COG6: variants seen among roughly 807,000 people sequenced by gnomAD.
COG6 encodes component of oligomeric golgi complex 6, also known as conserved oligomeric Golgi complex subunit 6.
A neutral mutation model predicts 88.8 loss-of-function variants in COG6; 74 were observed. That is an observed-to-expected ratio of 0.83 (90% CI 0.69 to 1.01). The LOEUF (loss-of-function observed/expected upper bound fraction) is 1.01, where lower values mean the gene tolerates loss of function less well. COG6 is among the 50% of genes least tolerant of loss of function. COG6 has a pLI of 0.00. For synonymous variants in COG6, 286 were observed against 278.7 expected, an observed-to-expected ratio of 1.03 and a Z score of -0.26; for missense variants, 800 against 797.9, an observed-to-expected ratio of 1.00 and a Z score of -0.03.
intron 18 of COG6, among the ~76,000 whole-genome samples, chr13:39,771,976 C>T (rs564308777): frequency 3.0e-4 from 45 of 152,250 alleles, no homozygotes; most frequent in Non-Finnish European, 5.0e-4. Flanking sequence ...ATAAAACTAC[C>T]GCTGTCTCAT....
At chr13:39,755,981 A>G (rs1880822735), downstream of COG6, among the ~76,000 whole-genome samples, 1 of 152,236 alleles carries the variant, frequency 6.6e-6, no homozygotes, top group Non-Finnish European at 1.5e-5. Flanking sequence ...GTGGGGCAAG[A>G]GAATCTAATC....
chr13:39,656,451 G>T (rs1359360141), intron 1 of COG6, among the ~76,000 whole-genome samples: 2 of 151,990 alleles, frequency 1.3e-5, no homozygotes, highest in Non-Finnish European at 2.9e-5. Context: ...TGATTTGTGG[G>T]CTCAGGCTGT....
chr13:39,784,402 C>T (rs1275677960), intron 18 of COG6, among the ~76,000 whole-genome samples: 1 of 152,180 alleles, frequency 6.6e-6, no homozygotes, highest in Non-Finnish European at 1.5e-5. Flanking sequence ...GGCAGGAGCT[C>T]TGGGCTTCAG....
intron 18 of COG6, among the ~76,000 whole-genome samples, chr13:39,786,917 A>G (rs1881789874): frequency 6.6e-6 from 1 of 152,228 alleles, no homozygotes; most frequent in African/African-American, 2.4e-5. Flanking sequence ...ATACATTATT[A>G]AGAAAGATTT....
intron 18 of COG6, among the ~76,000 whole-genome samples, chr13:39,758,611 T>G (rs1880919842): frequency 6.6e-6 from 1 of 152,120 alleles, no homozygotes; most frequent in Non-Finnish European, 1.5e-5. Context: ...GTGGAGAAAT[T>G]GGAACTCCCA....
chr13:39,712,364 A>G (rs1042465019), intron 13 of COG6, among the ~76,000 whole-genome samples: 6 of 151,518 alleles, frequency 4.0e-5, no homozygotes, highest in Non-Finnish European at 7.4e-5. Context: ...CTGTTGGAAC[A>G]TGTCTGTTGT....
At chr13:39,746,667 T>G (rs1466457823) in intron 18 of COG6, among the ~76,000 whole-genome samples, 1 of 152,184 alleles carries the variant, frequency 6.6e-6, no homozygotes, top group Non-Finnish European at 1.5e-5. Context: ...AATTAGTGAA[T>G]AATTTGGGCT....
intron 15 of COG6, among the ~76,000 whole-genome samples, chr13:39,722,225 T>A (rs1878885432): frequency 6.6e-6 from 1 of 152,032 alleles, no homozygotes; most frequent in Non-Finnish European, 1.5e-5. Flanking sequence ...TCATTGAGTG[T>A]TTACCTTTGC....
At chr13:39,722,453 G>T (rs913057231) in intron 15 of COG6, among the ~76,000 whole-genome samples, 18 of 151,786 alleles carry the variant, frequency 1.2e-4, no homozygotes, top group Admixed American at 2.0e-4. Flanking sequence ...TTAGGGGGAC[G>T]AGCAGAGCTA....
Position 39,681,590 on chromosome 13 carries a change from C to A in COG6, c.695-581C>A, listed in dbSNP as rs538369575. On this transcript the variant is annotated intron_variant, in intron 7 of 18. Transcript: ENST00000455146. ...CTGCTAGTGTGAAGTCCTTGTGTAC[C>A]AAAGGTTGGGAATTTCTGAGAAGTT... Among the ~76,000 whole-genome samples, 3 of 152,126 alleles carry A rather than the reference C, an allele frequency of 2.0e-5. 1 individual carries two copies. In the South Asian group the frequency reaches 6.2e-4, roughly 32 times the overall value.
intron 12 of COG6, among the ~76,000 whole-genome samples, chr13:39,697,671 C>T (rs1338353879): frequency 2.0e-5 from 3 of 151,830 alleles, no homozygotes; most frequent in Non-Finnish European, 2.9e-5. Flanking sequence ...TATCTGATAC[C>T]CTTCTTGGAG....
At chr13:39,673,478 C>T (rs1217787055) in intron 4 of COG6, among the ~76,000 whole-genome samples, 1 of 151,822 alleles carries the variant, frequency 6.6e-6, no homozygotes, top group Non-Finnish European at 1.5e-5. Flanking sequence ...TTTATAAAAA[C>T]TTAAAATGAA....
At chr13:39,699,737 C>T (rs1877470790) in intron 13 of COG6, 119 bp downstream of exon 13, 1 of 652,758 alleles carries the variant, frequency 1.5e-6, no homozygotes, top group Non-Finnish European at 2.8e-6. Flanking sequence ...TTGAGTTCTT[C>T]CTGTCACCAA....
chr13:39,763,917 CT>C (rs1881093766), intron 18 of COG6, among the ~76,000 whole-genome samples: 1 of 151,830 alleles, frequency 6.6e-6, no homozygotes, highest in Non-Finnish European at 1.5e-5. Flanking sequence ...CAGGATAATA[CT>C]GGCCTCATAA....
chr13:39,736,672 G>A (rs927429649), intron 18 of COG6, among the ~76,000 whole-genome samples: 14 of 152,300 alleles, frequency 9.2e-5, no homozygotes, highest in African/African-American at 3.4e-4. Context: ...GCTTGGGCAA[G>A]AAGAGCAAAA....
chr13:39,738,787 C>A (rs1879899181), intron 18 of COG6, among the ~76,000 whole-genome samples: 1 of 151,836 alleles, frequency 6.6e-6, no homozygotes, highest in African/African-American at 2.4e-5. Context: ...GATAATAATA[C>A]CAGAGATAAA....
rs200518004 is a variant in COG6, at chr13:39,781,434, G to A, written c.1827-6901G>A. Reference sequence around the variant, plus strand: ...GCTGCAGAAAAAAGTAGGAGCAAATGCGGAGGGTTTTTTTTTTTTTTTTAG... The same window carrying A: ...GCTGCAGAAAAAAGTAGGAGCAAATACGGAGGGTTTTTTTTTTTTTTTTAG... On this transcript the variant is annotated intron_variant, in intron 18 of 18. Coordinates refer to the COG6 transcript ENST00000416691. Among the ~76,000 whole-genome samples the A allele has an allele frequency of 1.0e-4, 10 of 98,684 alleles. No homozygotes were observed. The East Asian group carries it at 2.9e-3, about 29-fold the overall frequency. 64.7% of individuals were successfully genotyped at this position (98,684 alleles called of 152,430 possible).
chr13:39,731,059 A>G (rs538501635), intron 18 of COG6, among the ~76,000 whole-genome samples: 5 of 151,844 alleles, frequency 3.3e-5, no homozygotes, highest in Non-Finnish European at 5.9e-5. Flanking sequence ...CTGACCTCAA[A>G]TTATACACCT....
chr13:39,791,591 C>A (rs755009105), exon 19 of COG6: 7 of 151,916 alleles, frequency 4.6e-5, no homozygotes, highest in Non-Finnish European at 8.8e-5. Context: ...AAAACCTTCT[C>A]ATTACAGAAC....
Sources: gnomAD v4.1 joint callset for allele counts (sites outside exome capture counted in the v4.1 genomes callset) on GRCh38, gnomAD v4.1.1 for gene constraint, MANE v1.5 for transcripts, NCBI Gene and HGNC (gene_info 2026-07-23, HGNC 2026-07-21) for gene names.